The following RXRG variants were observed in gnomAD, a reference collection of about 807,000 sequenced individuals.
RXRG encodes retinoid X receptor gamma.
Under a neutral mutation model 49.2 loss-of-function variants are expected in RXRG, and 19 were observed. That is an observed-to-expected ratio of 0.39 (90% CI 0.27 to 0.57). RXRG has a LOEUF of 0.57. Ranked by LOEUF, RXRG falls within the 20% of genes least tolerant of loss-of-function variation. The probability of loss-of-function intolerance (pLI) is 0.64; values close to 1 mark genes in which losing one functional copy is unlikely to be tolerated. For missense variants in RXRG, 452 were observed against 592.5 expected (o/e 0.76, Z 2.46); for synonymous variants, 224 against 216.6 (o/e 1.03, Z -0.30).
At position 165,422,091 on chromosome 1, in the gene RXRG, C is replaced by T. The variant is rs181717236; in HGVS notation, c.298-2077G>A. Among the ~76,000 whole-genome samples, 3 of 152,286 alleles carry T rather than the reference C, an allele frequency of 2.0e-5. No homozygotes were observed. In the East Asian group the frequency reaches 5.8e-4, roughly 29 times the overall value. ...CATGGGAATAAGGAAGAAACCACCA[C>T]CACCTGAGGTTCAAGGGGTCCTCAC... On this transcript the variant is annotated intron_variant, in intron 2 of 9. Coordinates refer to ENST00000359842, the MANE Select transcript of RXRG (RefSeq NM_006917.5).
Position 165,419,952 on chromosome 1 carries a change from C to T in RXRG, c.360G>A (p.Gly120=), listed in dbSNP as rs771907586. The T allele has an allele frequency of 4.3e-6, 7 of 1,613,500 alleles. No individual in the cohort carries two copies. In the South Asian group the frequency reaches 6.6e-5, roughly 15 times the overall value. ...TGGATGGGTAGTTCATGTTTCCAAT[C>T]CCGGGAAGCCCTGGTAAGGGCTTGA... ...EDIKPLPGLP[G]IGNMNYPSTS... Residue 120 remains glycine, a synonymous_variant, in exon 3 of 10, where the codon GGG becomes GGA. Transcript: ENST00000359842.
intron 1 of RXRG, 139 bp from the exon 2 acceptor site, chr1:165,429,105 GCTCT>G: frequency 4.6e-6 from 4 of 873,192 alleles, no homozygotes; most frequent in Non-Finnish European, 6.9e-6. Flanking sequence ...AGCCCTAGGT[GCTCT>G]CACCTACACT....
chr1:165,417,835 G>A (rs906809047), intron 3 of RXRG, among the ~76,000 whole-genome samples: 3 of 152,174 alleles, frequency 2.0e-5, no homozygotes, highest in Admixed American at 2.0e-4. Flanking sequence ...GGGCATGGTG[G>A]CTCACGCCTG....
rs1017091483 is a variant in RXRG, at chr1:165,439,358, C to G, written c.49+5487G>C. On this transcript the variant is annotated intron_variant, in intron 1 of 9. Coordinates refer to ENST00000359842, the MANE Select transcript of RXRG (RefSeq NM_006917.5). ...GCAGGGATGCCACTCTCTCCCTCCCCCTTCCTTCAAGCACCGGAAGCAACC... is the reference window on the plus strand; with the variant it reads ...GCAGGGATGCCACTCTCTCCCTCCCGCTTCCTTCAAGCACCGGAAGCAACC... Among the ~76,000 whole-genome samples the G allele has an allele frequency of 4.6e-5, 7 of 152,122 alleles. No individual in the cohort carries two copies. In the East Asian group the frequency reaches 7.7e-4, roughly 17 times the overall value.
intron 3 of RXRG, among the ~76,000 whole-genome samples, chr1:165,418,444 T>C (rs2101721594): frequency 6.6e-6 from 1 of 152,344 alleles, no homozygotes; most frequent in Admixed American, 6.5e-5. Context: ...GTCATTGAGT[T>C]ACAGAAATGA....
intron 2 of RXRG, chr1:165,424,684 C>A (rs747456908): frequency 4.8e-6 from 3 of 622,600 alleles, no homozygotes; most frequent in Non-Finnish European, 6.0e-6. Flanking sequence ...ACAGAGGAGA[C>A]TGGCCCTGCC....
In RXRG at chr1:165,437,071, C is replaced by T. The variant is rs1571288798; in HGVS notation, c.49+7774G>A. The T allele has an allele frequency of 3.8e-6, 5 of 1,331,444 alleles. No homozygotes were observed. In the East Asian group the frequency reaches 1.9e-4, roughly 51 times the overall value. 82.5% of individuals were successfully genotyped at this position (1,331,444 alleles called of 1,614,324 possible). ...TCTGTGACTCAAAATCTCCTTTGCT[C>T]CTCCTTTTCATTTTACTGGTCACTA... On this transcript the variant is annotated intron_variant, in intron 1 of 9. Transcript: ENST00000359842.
chr1:165,440,468 T>A (rs970578829), intron 1 of RXRG, among the ~76,000 whole-genome samples: 1 of 152,226 alleles, frequency 6.6e-6, no homozygotes, highest in Non-Finnish European at 1.5e-5. Context: ...GCATCTATAA[T>A]CCAGAAATCT....
chr1:165,420,034 T>C lies in RXRG; in HGVS notation c.298-20A>G. The C allele has an allele frequency of 6.4e-7, 1 of 1,573,420 alleles. No homozygotes were observed. Among genetic ancestry groups the C allele is most frequent in the Non-Finnish European group, 8.6e-7 (1 of 1,156,360 alleles). On this transcript the variant is annotated intron_variant, in intron 2 of 9. Transcript: ENST00000359842. The stretch of plus-strand genomic sequence containing the variant: ...ATTTAGCTGCAAGAGAAAAAAATAC[T>C]GTAAAGCACAGAGCCAGAGTAAATT...
chr1:165,412,216 G>T (rs1213569243), intron 4 of RXRG, among the ~76,000 whole-genome samples: 1 of 152,178 alleles, frequency 6.6e-6, no homozygotes, highest in Non-Finnish European at 1.5e-5. Flanking sequence ...GTCTCTCAAG[G>T]TAGGTCAGAG....
At chr1:165,418,640 A>G (rs1322364165) in intron 3 of RXRG, among the ~76,000 whole-genome samples, 1 of 152,206 alleles carries the variant, frequency 6.6e-6, no homozygotes, top group Non-Finnish European at 1.5e-5. Context: ...GCAATGATAA[A>G]TACAGGATTT....
intron 1 of RXRG, 76 bp from the exon 2 acceptor site, chr1:165,429,042 C>T: frequency 7.4e-6 from 11 of 1,494,674 alleles, no homozygotes; most frequent in Non-Finnish European, 9.9e-6. Flanking sequence ...GGCCTAGCCC[C>T]ACCTTTCTTT....
In RXRG at chr1:165,401,138, T is replaced by C. The variant is rs1657550827; in HGVS notation, c.*125A>G. ...TCATGTGTAGAAAGGTTTTCTTTAT[T>C]ATAAGCATCACATTTTGGGGACAGG... On this transcript the variant is annotated 3_prime_UTR_variant, in exon 10 of 10. Coordinates refer to ENST00000359842, the MANE Select transcript of RXRG (RefSeq NM_006917.5). 1.2e-6 allele frequency: 1 copy of C among 838,494 alleles called. No individual in the cohort carries two copies. The highest frequency in any genetic ancestry group is 1.9e-6 in the Non-Finnish European group (1 of 530,164). The allele number at this position is 838,494 out of a possible 1,614,324, so 51.9% of individuals were successfully genotyped here. A position where few individuals can be genotyped will look rare whatever the true frequency, so the allele number is the denominator to read the frequency against.
At chr1:165,402,257 T>C (rs73021053) in intron 9 of RXRG, among the ~76,000 whole-genome samples, 13,027 of 152,140 alleles carry the variant, frequency 0.086, 1,174 homozygotes, top group African/African-American at 0.22. Context: ...GCTAAATTTT[T>C]GTAGTTTTAG....
At chr1:165,406,966 G>A in intron 8 of RXRG, 49 bp from the exon 9 acceptor site, 1 of 1,345,748 alleles carries the variant, frequency 7.4e-7, no homozygotes, top group South Asian at 1.2e-5. Flanking sequence ...CTCCAGCAGA[G>A]GCTGTCCCCA....
rs141938693 is a variant in RXRG at position 165,401,798 on chromosome 1, G to A, written c.1245-388C>T. ...CCGCACAGATCTGCTGAGGCACTTA[G>A]AGCCAAGCGTGAGACACTGAATGTG... On this transcript the variant is annotated intron_variant, in intron 9 of 9. Transcript: ENST00000359842. Among the ~76,000 whole-genome samples, 1,028 of 152,330 alleles carry A rather than the reference G, an allele frequency of 6.7e-3. 4 individuals are homozygous for A. Among genetic ancestry groups the A allele is most frequent in the Middle Eastern group, 0.017 (5 of 294 alleles).
intron 1 of RXRG, among the ~76,000 whole-genome samples, chr1:165,436,721 C>T (rs138991390): frequency 1.3e-5 from 2 of 152,276 alleles, no homozygotes; most frequent in African/African-American, 2.4e-5. Flanking sequence ...TCAGGAGACC[C>T]TCACCCCAGG....
intron 6 of RXRG, 42 bp from the exon 7 acceptor site, chr1:165,409,732 A>C (rs1292375029): frequency 2.1e-6 from 3 of 1,409,580 alleles, no homozygotes; most frequent in Non-Finnish European, 2.8e-6. Flanking sequence ...AACAGAACAC[A>C]TTCTTTCTTT....
At chr1:165,405,699 G>T (rs549266865) in intron 9 of RXRG, among the ~76,000 whole-genome samples, 21 of 152,336 alleles carry the variant, frequency 1.4e-4, no homozygotes, top group Non-Finnish European at 1.5e-5. Context: ...TGAACTGACT[G>T]CCCACCCAGA....
Sources: allele counts gnomAD v4.1 joint callset (sites outside exome capture counted in the v4.1 genomes callset), GRCh38; gene constraint gnomAD v4.1.1; transcripts MANE v1.5; gene names NCBI Gene and HGNC (gene_info 2026-07-23, HGNC 2026-07-21).